The following CAPN5 variants were observed in gnomAD, a reference collection of about 807,000 sequenced individuals.
CAPN5 encodes calpain 5, also known as calpain-5.
CAPN5 carries 54 observed loss-of-function variants against 73.0 expected under a neutral mutation model. The observed-to-expected ratio is 0.74, with a 90% confidence interval of 0.59 to 0.93. The LOEUF is 0.93. Ranked by LOEUF, CAPN5 falls within the 40% of genes least tolerant of loss-of-function variation. The pLI is 0.00. For synonymous variants in CAPN5, 335 were observed against 356.9 expected, an observed-to-expected ratio of 0.94 and a Z score of 0.69; for missense variants, 785 against 882.9, an observed-to-expected ratio of 0.89 and a Z score of 1.41.
At chr11:77,094,854 T>C (rs1950191408) in intron 3 of CAPN5, among the ~76,000 whole-genome samples, 1 of 152,218 alleles carries the variant, frequency 6.6e-6, no homozygotes, top group Non-Finnish European at 1.5e-5. Flanking sequence ...ATTATGATAA[T>C]TAATATCATA....
chr11:77,084,702 T>C, intron 1 of CAPN5, 150 bp from the exon 2 acceptor site: 1 of 668,544 alleles, frequency 1.5e-6, no homozygotes, highest in Non-Finnish European at 2.7e-6. Flanking sequence ...TGTCCCACTC[T>C]GCTGTATACC....
chr11:77,085,134 T>C (rs1591117424), intron 2 of CAPN5, 83 bp downstream of exon 2: 1 of 1,240,978 alleles, frequency 8.1e-7, no homozygotes, highest in Non-Finnish European at 1.2e-6. Context: ...ATCGGGGTGG[T>C]GGGAGGAGGC....
In CAPN5 at chr11:77,083,774, C is replaced by T. The variant is rs530515322; in HGVS notation, c.-35-1078C>T. 1.6e-4 allele frequency among the ~76,000 whole-genome samples: 25 copies of T among 152,234 alleles called. No individual in the cohort carries two copies. The South Asian group carries it at 3.3e-3, about 20-fold the overall frequency. ...AATTCCCATCACTGAGATGAGAAAA[C>T]GGGCTCAGAGAGTTCACATGACCAG... On this transcript the variant is annotated intron_variant, in intron 1 of 12. Coordinates refer to ENST00000648180, the MANE Select transcript of CAPN5 (RefSeq NM_004055.5).
intron 3 of CAPN5, among the ~76,000 whole-genome samples, chr11:77,109,129 G>A (rs1475794472): frequency 6.6e-6 from 1 of 152,184 alleles, no homozygotes; most frequent in Non-Finnish European, 1.5e-5. Flanking sequence ...AAGATGTTGT[G>A]TACTTCATTC....
chr11:77,097,140 T>G (rs1300259804), intron 3 of CAPN5, among the ~76,000 whole-genome samples: 1 of 151,992 alleles, frequency 6.6e-6, no homozygotes, highest in Non-Finnish European at 1.5e-5. Flanking sequence ...GAGAATGGCG[T>G]GAACCTGGGA....
intron 1 of CAPN5, among the ~76,000 whole-genome samples, chr11:77,081,802 GA>G (rs1346769098): frequency 6.6e-6 from 1 of 152,122 alleles, no homozygotes; most frequent in African/African-American, 2.4e-5. Flanking sequence ...GGGAGGAGAG[GA>G]GAGCCAGGCC....
At chr11:77,086,239 T>C (rs1950084983) in intron 2 of CAPN5, among the ~76,000 whole-genome samples, 1 of 152,186 alleles carries the variant, frequency 6.6e-6, no homozygotes, top group South Asian at 2.1e-4. Context: ...CCCTGGGCTT[T>C]TTGGGAAAAT....
rs752235997 is a variant in CAPN5 at position 77,096,410 on chromosome 11, G to A, written c.297+2597G>A. 1.1e-3 allele frequency among the ~76,000 whole-genome samples: 165 copies of A among 152,272 alleles called. 1 individual carries two copies. Among genetic ancestry groups the A allele is most frequent in the Non-Finnish European group, 2.1e-3 (143 of 68,020 alleles). ...AGGGTCGTGGAGGATTAAAGGGGCC[G>A]GAGGAAGGCAAACCCTTGCCTTTTG... On this transcript the variant is annotated intron_variant, in intron 3 of 12. Transcript: ENST00000648180.
At chr11:77,095,761 C>T (rs913645445) in intron 3 of CAPN5, among the ~76,000 whole-genome samples, 8 of 152,240 alleles carry the variant, frequency 5.3e-5, no homozygotes, top group Non-Finnish European at 8.8e-5. Context: ...CACCTCTCAA[C>T]AGTGAAGAAC....
intron 6 of CAPN5, 143 bp from the exon 7 acceptor site, chr11:77,116,083 G>A: frequency 4.2e-6 from 3 of 708,740 alleles, no homozygotes; most frequent in Non-Finnish European, 4.9e-6. Flanking sequence ...GGCTGGGCAT[G>A]GCCTCAGTGC....
chr11:77,108,556 C>G (rs1950376921), intron 3 of CAPN5, among the ~76,000 whole-genome samples: 1 of 152,124 alleles, frequency 6.6e-6, no homozygotes. Flanking sequence ...GGAATTTCTA[C>G]TGTAGACAGC....
At chr11:77,093,622 C>A in intron 2 of CAPN5, 60 bp from the exon 3 acceptor site, 2 of 1,515,732 alleles carry the variant, frequency 1.3e-6, no homozygotes, top group Non-Finnish European at 1.8e-6. Context: ...ATGTCTCCTG[C>A]CATGGGGGGC....
At chr11:77,097,504 G>A (rs1317051487) in intron 3 of CAPN5, among the ~76,000 whole-genome samples, 1 of 96,466 alleles carries the variant, frequency 1.0e-5, no homozygotes, top group Non-Finnish European at 2.0e-5. Flanking sequence ...ATAATTCTTG[G>A]GTGTTTCTCA....
chr11:77,079,783 T>TTGTGTGTGTGTGTGTGTGTG (rs147108363), intron 1 of CAPN5, among the ~76,000 whole-genome samples: 4 of 148,246 alleles, frequency 2.7e-5, no homozygotes, highest in African/African-American at 9.9e-5. Context: ...CTACTTGAGA[T>TTGTGTGTGTGTGTGTGTGTG]TGTGTGTGTG....
intron 2 of CAPN5, among the ~76,000 whole-genome samples, chr11:77,091,001 C>T (rs1337833682): frequency 2.0e-5 from 3 of 152,190 alleles, no homozygotes; most frequent in African/African-American, 4.8e-5. Flanking sequence ...CAGAAGCCGC[C>T]GTGCAGGTTG....
chr11:77,075,816 A>G (rs1591109897), intron 1 of CAPN5, among the ~76,000 whole-genome samples: 1 of 151,994 alleles, frequency 6.6e-6, no homozygotes, highest in South Asian at 2.1e-4. Flanking sequence ...TTTTACCGGA[A>G]CCCCACAAGC....
intron 3 of CAPN5, chr11:77,103,249 AGGT>A (rs1189338959): frequency 6.2e-7 from 1 of 1,613,572 alleles, no homozygotes; most frequent in Non-Finnish European, 8.5e-7. Flanking sequence ...AAGATCCGCA[AGGT>A]CATGTACTTC....
intron 1 of CAPN5, among the ~76,000 whole-genome samples, chr11:77,072,684 G>T (rs1484758291): frequency 6.6e-6 from 1 of 152,236 alleles, no homozygotes; most frequent in Non-Finnish European, 1.5e-5. Context: ...TTGTGCAGGA[G>T]CTTGTGCTGA....
At position 77,125,961 on chromosome 11, in the gene CAPN5, CA is replaced by C. The variant is rs1388069831; in HGVS notation, c.*2092del. 1.3e-5 allele frequency: 2 copies of C among 152,340 alleles called. No homozygotes were observed. The highest frequency in any genetic ancestry group is 2.9e-5 in the Non-Finnish European group (2 of 68,042). The allele number at this position is 152,340 out of a possible 1,614,324, so 9.4% of individuals were successfully genotyped here. On this transcript the variant is annotated 3_prime_UTR_variant, in exon 13 of 13. Transcript: ENST00000648180. ...CCTTGGGGGCCAGGCAGGTAAGGATCAGGGGTGATAGGGGAGAGCAATTACT... is the reference window on the plus strand; with the variant it reads ...CCTTGGGGGCCAGGCAGGTAAGGATCGGGGTGATAGGGGAGAGCAATTACT...
Sources: gnomAD v4.1 joint callset for allele counts (sites outside exome capture counted in the v4.1 genomes callset) on GRCh38, gnomAD v4.1.1 for gene constraint, MANE v1.5 for transcripts, NCBI Gene and HGNC (gene_info 2026-07-23, HGNC 2026-07-21) for gene names.